Variants in MLLT3 observed in about 807,000 individuals in gnomAD.
MLLT3 encodes the protein MLLT3 super elongation complex subunit.
MLLT3 carries 4 observed loss-of-function variants against 53.2 expected under a neutral mutation model. That is an observed-to-expected ratio of 0.08 (90% confidence interval 0.04 to 0.17). MLLT3 has a LOEUF of 0.17. Among genes scored for constraint, MLLT3 ranks in the 10% least tolerant of loss-of-function variants. The probability of loss-of-function intolerance (pLI) is 1.00; values close to 1 mark genes in which losing one functional copy is unlikely to be tolerated. For missense variants in MLLT3, 569 were observed against 684.0 expected (o/e 0.83, Z 1.87); for synonymous variants, 283 against 230.6 (o/e 1.23, Z -2.06).
At chr9:20,404,567 T>C (rs986161133) in intron 5 of MLLT3, among the ~76,000 whole-genome samples, 1 of 152,170 alleles carries the variant, frequency 6.6e-6, no homozygotes, top group East Asian at 1.9e-4. Flanking sequence ...TGCAGTGATG[T>C]GATCATAGCT....
At position 20,621,988 on chromosome 9, in the gene MLLT3, G is replaced by A; in HGVS notation, c.12+257C>T. 1 of 1,400,016 alleles carries A rather than the reference G, an allele frequency of 7.1e-7. No individual in the cohort carries two copies. The highest frequency in any genetic ancestry group is 9.2e-7 in the Non-Finnish European group (1 of 1,083,852). The allele number at this position is 1,400,016 out of a possible 1,614,324, so 86.7% of individuals were successfully genotyped here. A position where few individuals can be genotyped will look rare whatever the true frequency, so the allele number is the denominator to read the frequency against. ...CTTGTGACTGCAAAGAGGCGAGGAG[G>A]GAGGGAGGCGCGGGGGGTGGAGGGG... On this transcript the variant is annotated intron_variant, in intron 1 of 10. Transcript: ENST00000380338. This position sits in a 1 kb window ranked among gnomAD's most constrained non-coding sequence, Gnocchi z 7.0.
At chr9:20,511,997 A>C (rs1377201981) in intron 2 of MLLT3, among the ~76,000 whole-genome samples, 5 of 152,178 alleles carry the variant, frequency 3.3e-5, no homozygotes, top group Non-Finnish European at 2.9e-5. Flanking sequence ...AGAGGCATAA[A>C]GCCTAGTTGA....
At chr9:20,350,727 A>ACATCAG (rs1406682078) in intron 10 of MLLT3, among the ~76,000 whole-genome samples, 2 of 152,186 alleles carry the variant, frequency 1.3e-5, no homozygotes, top group Admixed American at 6.5e-5. Context: ...ATTTCCTGCC[A>ACATCAG]CATCAGCCTT....
At chr9:20,514,454 G>A (rs1224238540) in intron 2 of MLLT3, among the ~76,000 whole-genome samples, 1 of 152,110 alleles carries the variant, frequency 6.6e-6, no homozygotes, top group Non-Finnish European at 1.5e-5. Context: ...CAGTAGCAAT[G>A]AGACTAATAT....
chr9:20,420,337 C>G (rs1353778023), intron 4 of MLLT3, among the ~76,000 whole-genome samples: 1 of 151,998 alleles, frequency 6.6e-6, no homozygotes, highest in Admixed American at 6.6e-5. Context: ...AGACAAAGAT[C>G]AGATAAAGGC....
At chr9:20,388,622 A>T (rs1462362068) in intron 5 of MLLT3, among the ~76,000 whole-genome samples, 2 of 152,152 alleles carry the variant, frequency 1.3e-5, no homozygotes, top group Non-Finnish European at 2.9e-5. Flanking sequence ...AGAATCTCCC[A>T]TTAAAAAACA....
At chr9:20,454,946 C>T (rs571186682) in intron 3 of MLLT3, among the ~76,000 whole-genome samples, 20 of 152,088 alleles carry the variant, frequency 1.3e-4, no homozygotes, top group Non-Finnish European at 2.8e-4. Context: ...CAAAGAAATG[C>T]ACATAAAACC....
intron 5 of MLLT3, among the ~76,000 whole-genome samples, chr9:20,389,083 T>C (rs893914988): frequency 6.6e-6 from 1 of 152,238 alleles, no homozygotes; most frequent in Non-Finnish European, 1.5e-5. Context: ...GGCAGCATTA[T>C]TCACAGCAGC....
chr9:20,452,020 A>T (rs1823851016), intron 3 of MLLT3, among the ~76,000 whole-genome samples: 1 of 152,224 alleles, frequency 6.6e-6, no homozygotes, highest in Non-Finnish European at 1.5e-5. Context: ...AAATGAGCAG[A>T]ACTGAAGACG....
At chr9:20,431,898 A>T (rs1192375475) in intron 4 of MLLT3, among the ~76,000 whole-genome samples, 2 of 152,208 alleles carry the variant, frequency 1.3e-5, no homozygotes, top group Non-Finnish European at 2.9e-5. Context: ...TACCATTTTC[A>T]TAACAATAAA....
intron 2 of MLLT3, among the ~76,000 whole-genome samples, chr9:20,521,706 A>G (rs942961535): frequency 6.6e-6 from 1 of 152,208 alleles, no homozygotes; most frequent in Non-Finnish European, 1.5e-5. Flanking sequence ...TAATGCATGA[A>G]AAAGAAAATT....
chr9:20,425,838 C>A (rs1339559329), intron 4 of MLLT3, among the ~76,000 whole-genome samples: 8 of 151,810 alleles, frequency 5.3e-5, no homozygotes, highest in Admixed American at 5.2e-4. Context: ...ATTTGCCCAG[C>A]CTTTTGTTCT....
chr9:20,399,197 C>A (rs1036691841), intron 5 of MLLT3, among the ~76,000 whole-genome samples: 1 of 152,098 alleles, frequency 6.6e-6, no homozygotes, highest in South Asian at 2.1e-4. Flanking sequence ...GTCTAGTCCA[C>A]CTCCATAAAG....
chr9:20,368,767 C>A (rs554010408), intron 5 of MLLT3, among the ~76,000 whole-genome samples: 3 of 152,120 alleles, frequency 2.0e-5, no homozygotes, highest in African/African-American at 4.8e-5. Flanking sequence ...TTGCCTCTGC[C>A]ACAAAGTATT....
intron 10 of MLLT3, among the ~76,000 whole-genome samples, chr9:20,348,252 C>T (rs1587137563): frequency 6.6e-6 from 1 of 152,098 alleles, no homozygotes; most frequent in Admixed American, 6.5e-5. Flanking sequence ...AACGGAAGGC[C>T]GTTTTTCTGA....
At chr9:20,398,215 C>A (rs545681112) in intron 5 of MLLT3, among the ~76,000 whole-genome samples, 1 of 152,132 alleles carries the variant, frequency 6.6e-6, no homozygotes, top group East Asian at 1.9e-4. Flanking sequence ...TCACCTCAGT[C>A]TCTCGAGCAG....
At chr9:20,366,430 T>TACATGTGCC (rs760845791) in intron 5 of MLLT3, among the ~76,000 whole-genome samples, 112 of 152,374 alleles carry the variant, frequency 7.4e-4, no homozygotes, top group Non-Finnish European at 1.4e-3. Flanking sequence ...ACATGTTCTT[T>TACATGTGCC]ATCCAGTCTA....
intron 5 of MLLT3, among the ~76,000 whole-genome samples, chr9:20,393,428 T>C (rs548761976): frequency 3.9e-5 from 6 of 152,310 alleles, no homozygotes; most frequent in African/African-American, 1.2e-4. Flanking sequence ...TGGATGCTGA[T>C]TGTTGCATTT....
At chr9:20,452,139 C>G (rs1823855555) in intron 3 of MLLT3, among the ~76,000 whole-genome samples, 1 of 152,130 alleles carries the variant, frequency 6.6e-6, no homozygotes, top group African/African-American at 2.4e-5. Flanking sequence ...ATTATTTTTT[C>G]TGCTTTCCCT....
Sources: allele counts gnomAD v4.1 joint callset (sites outside exome capture counted in the v4.1 genomes callset), GRCh38; gene constraint gnomAD v4.1.1; non-coding constraint Gnocchi (gnomAD v3.1); transcripts MANE v1.5; gene names NCBI Gene and HGNC (gene_info 2026-07-23, HGNC 2026-07-21).